Variants in PPP4R3B observed in about 807,000 individuals in gnomAD.
The protein encoded by PPP4R3B is protein phosphatase 4 regulatory subunit 3B, also known as serine/threonine-protein phosphatase 4 regulatory subunit 3B.
Under a neutral mutation model 95.4 loss-of-function variants are expected in PPP4R3B, and 52 were observed. That is an observed-to-expected ratio of 0.54 (90% CI 0.44 to 0.69). The LOEUF (loss-of-function observed/expected upper bound fraction) is 0.69, where lower values mean the gene tolerates loss of function less well. PPP4R3B is among the 30% of genes least tolerant of loss of function. PPP4R3B has a pLI of 0.00. For synonymous variants in PPP4R3B, 407 were observed against 343.9 expected, an observed-to-expected ratio of 1.18 and a Z score of -2.03; for missense variants, 1,003 against 1,005.9, an observed-to-expected ratio of 1.00 and a Z score of 0.04.
intron 12 of PPP4R3B, among the ~76,000 whole-genome samples, chr2:55,570,100 A>G (rs1687820561): frequency 6.6e-6 from 1 of 152,148 alleles, no homozygotes; most frequent in South Asian, 2.1e-4. Context: ...AATACAAAAA[A>G]TTAGCCAGGT....
chr2:55,600,841 G>A lies in PPP4R3B; in HGVS notation c.298-1802C>T, dbSNP rs571973992. Among the ~76,000 whole-genome samples, 4 of 152,050 alleles carry A rather than the reference G, an allele frequency of 2.6e-5. No individual in the cohort carries two copies. In the South Asian group the frequency reaches 6.2e-4, roughly 24 times the overall value. On this transcript the variant is annotated intron_variant, in intron 3 of 16. Transcript: ENST00000616407. ...AAAAAAACATGAAAAAATGAGTAAT[G>A]TAACAAGGAAAATTCAGTATTAACA...
At chr2:55,555,945 T>G (rs149868886) in intron 16 of PPP4R3B, among the ~76,000 whole-genome samples, 20 of 152,326 alleles carry the variant, frequency 1.3e-4, no homozygotes, top group African/African-American at 4.8e-4. Flanking sequence ...AAAATATACG[T>G]TTTACAGTTA....
At chr2:55,581,432 A>G in intron 8 of PPP4R3B, 135 bp downstream of exon 8, 7 of 901,698 alleles carry the variant, frequency 7.8e-6, no homozygotes, top group Non-Finnish European at 1.1e-5. Flanking sequence ...CCACAAATGA[A>G]TTGCTATAAG....
intron 2 of PPP4R3B, among the ~76,000 whole-genome samples, chr2:55,605,383 C>A (rs910315277): frequency 1.3e-5 from 2 of 152,050 alleles, no homozygotes; most frequent in African/African-American, 2.4e-5. Context: ...TCCCCAGATC[C>A]AAGACAAAGT....
At chr2:55,586,527 G>C (rs1318637695) in intron 6 of PPP4R3B, 91 bp downstream of exon 6, 1 of 681,852 alleles carries the variant, frequency 1.5e-6, no homozygotes. Context: ...CTATAGAATT[G>C]AATATACATT....
rs554085831 is a variant in PPP4R3B, at chr2:55,612,727, G to A, written c.198+2724C>T. Reference sequence around the variant, plus strand: ...TGGGGGGCCGAGGCGGGCGGATCACGAGGTCAGGAGATCGAGACCATTCTG... The same window carrying A: ...TGGGGGGCCGAGGCGGGCGGATCACAAGGTCAGGAGATCGAGACCATTCTG... On this transcript the variant is annotated intron_variant, in intron 2 of 16. Coordinates refer to ENST00000616407, the MANE Select transcript of PPP4R3B (RefSeq NM_001122964.3). Among the ~76,000 whole-genome samples the A allele has an allele frequency of 1.1e-3, 169 of 152,058 alleles. 2 individuals carry two copies. Among genetic ancestry groups the A allele is most frequent in the Middle Eastern group, 3.4e-3 (1 of 294 alleles).
At chr2:55,567,057 C>T (rs532269562) in intron 13 of PPP4R3B, among the ~76,000 whole-genome samples, 2 of 152,294 alleles carry the variant, frequency 1.3e-5, no homozygotes, top group South Asian at 4.1e-4. Context: ...ACTATGTGGC[C>T]ATTTCCTCAG....
At chr2:55,555,278 T>TAAAAAAA (rs372423262) in intron 16 of PPP4R3B, among the ~76,000 whole-genome samples, 2 of 108,880 alleles carry the variant, frequency 1.8e-5, no homozygotes, top group African/African-American at 7.3e-5. Context: ...AGACTCCGTC[T>TAAAAAAA]AAAAAAAAAA....
At chr2:55,590,278 GA>G (rs1350127584) in intron 4 of PPP4R3B, among the ~76,000 whole-genome samples, 1 of 151,968 alleles carries the variant, frequency 6.6e-6, no homozygotes, top group Non-Finnish European at 1.5e-5. Context: ...AGTGAGCCGA[GA>G]TTGCGCCATT....
In PPP4R3B at chr2:55,598,530, T is replaced by C. The variant is rs1692116232; in HGVS notation, c.807A>G (p.Val269=). The C allele has an allele frequency of 2.5e-6, 4 of 1,614,078 alleles. No individual in the cohort carries two copies. The highest frequency in any genetic ancestry group is 2.7e-5 in the African/African-American group (2 of 74,932). The change falls in exon 4 of 17, where the codon GTA becomes GTG. Residue 269 remains valine (V), a synonymous_variant. Coordinates refer to ENST00000616407, the MANE Select transcript of PPP4R3B (RefSeq NM_001122964.3). ...GCAAAATGATGTCCTGAATGTACTG[T>C]ACCCTGTAAGTCTGATGTATTTTTT... ...LRQKIHQTYR[V]QYIQDIILPT...
At chr2:55,562,451 T>C (rs888342166) in intron 15 of PPP4R3B, among the ~76,000 whole-genome samples, 4 of 152,060 alleles carry the variant, frequency 2.6e-5, no homozygotes, top group Non-Finnish European at 5.9e-5. Context: ...CAAAAGTGCA[T>C]GGCACCTCCT....
At chr2:55,585,789 A>C (rs1690055833) in intron 6 of PPP4R3B, among the ~76,000 whole-genome samples, 1 of 152,142 alleles carries the variant, frequency 6.6e-6, no homozygotes, top group African/African-American at 2.4e-5. Context: ...GCAGTTCTCA[A>C]AGTGTGGTCC....
chr2:55,585,360 A>G (rs372496231), intron 6 of PPP4R3B, among the ~76,000 whole-genome samples, 193 bp from the exon 7 acceptor site: 5 of 152,272 alleles, frequency 3.3e-5, no homozygotes, highest in African/African-American at 1.2e-4. Context: ...AGGCAATTCA[A>G]TGATTAGTTT....
chr2:55,551,928 T>G (rs2103751682), intron 16 of PPP4R3B, among the ~76,000 whole-genome samples: 1 of 152,286 alleles, frequency 6.6e-6, no homozygotes, highest in Non-Finnish European at 1.5e-5. Flanking sequence ...AAGAAATAAT[T>G]CTGGTATAAA....
chr2:55,609,690 A>C (rs973863428), intron 2 of PPP4R3B, among the ~76,000 whole-genome samples: 4 of 152,010 alleles, frequency 2.6e-5, no homozygotes, highest in South Asian at 2.1e-4. Context: ...AACAAAAAAA[A>C]CAAAAAAACT....
intron 11 of PPP4R3B, 99 bp downstream of exon 11, chr2:55,577,216 C>T: frequency 1.4e-6 from 2 of 1,402,656 alleles, no homozygotes; most frequent in South Asian, 1.6e-5. Flanking sequence ...GTTTTTATGC[C>T]AAAATATGCT....
chr2:55,598,877 A>G lies in PPP4R3B; in HGVS notation c.460T>C (p.Ser154Pro). ...AGCTTTTCCCTACGGATAGGTGAGG[A>G]GAGCACTGAGGTAACTAAGTCAGCA... is the stretch of plus-strand genomic sequence containing the variant. ...EIADLVTSVL[S>P]SPIRREKLAL... The change falls in exon 4 of 17, where the codon TCC becomes CCC. Residue 154 changes from serine to proline, a missense_variant. Transcript: ENST00000616407. 3.7e-6 allele frequency: 6 copies of G among 1,614,214 alleles called. No individual in the cohort carries two copies. Among genetic ancestry groups the G allele is most frequent in the Non-Finnish European group, 5.1e-6 (6 of 1,180,032 alleles).
intron 15 of PPP4R3B, among the ~76,000 whole-genome samples, chr2:55,563,633 C>T (rs1047962495): frequency 1.3e-5 from 2 of 152,104 alleles, no homozygotes; most frequent in African/African-American, 4.8e-5. Context: ...CTCAGTCTCC[C>T]AAAGTGCTGG....
intron 16 of PPP4R3B, among the ~76,000 whole-genome samples, chr2:55,557,470 T>C (rs754625511): frequency 5.9e-5 from 9 of 152,192 alleles, no homozygotes; most frequent in Non-Finnish European, 1.3e-4. Flanking sequence ...TAGGATACTG[T>C]GCCCAGCCCA....
Sources: gnomAD v4.1 joint callset for allele counts (sites outside exome capture counted in the v4.1 genomes callset) on GRCh38, gnomAD v4.1.1 for gene constraint, MANE v1.5 for transcripts, NCBI Gene and HGNC (gene_info 2026-07-23, HGNC 2026-07-21) for gene names.